Variants in RANBP2 observed in about 807,000 individuals in gnomAD.
The protein encoded by RANBP2 is RAN binding protein 2, also known as E3 SUMO-protein ligase RanBP2.
A neutral mutation model predicts 303.6 loss-of-function variants in RANBP2; 57 were observed. The ratio of observed to expected loss-of-function variants is 0.19; its 90% CI spans 0.15 to 0.23. RANBP2 has a LOEUF of 0.23. Among genes scored for constraint, RANBP2 ranks in the 10% least tolerant of loss-of-function variants. The pLI is 1.00. For missense variants in RANBP2, 3,138 were observed against 3,780.8 expected, an observed-to-expected ratio of 0.83 and a Z score of 4.46; for synonymous variants, 1,167 against 1,301.5, an observed-to-expected ratio of 0.90 and a Z score of 2.23.
At chr2:109,623,135 AAACAAC>A in the RANBP2 span, among the ~76,000 whole-genome samples, 49 of 152,162 alleles carry the variant, frequency 3.2e-4, 1 homozygote, top group Non-Finnish European at 2.2e-4. Context: ...TCAAAAAAGA[AAACAAC>A]AACAACAACA....
chr2:109,207,055 C>T, the RANBP2 span, among the ~76,000 whole-genome samples: 183 of 152,220 alleles, frequency 1.2e-3, no homozygotes, highest in South Asian at 5.8e-3. Context: ...TGACCATGCT[C>T]ATTTGGAGGA....
chr2:108,719,485 G>C lies in RANBP2; in HGVS notation c.-122G>C. 2 of 1,490,652 alleles carry C rather than the reference G, an allele frequency of 1.3e-6. No homozygotes were observed. Among genetic ancestry groups the C allele is most frequent in the Non-Finnish European group, 1.8e-6 (2 of 1,105,226 alleles). 92.3% of individuals were successfully genotyped at this position (1,490,652 alleles called of 1,614,324 possible). On this transcript the variant is annotated 5_prime_UTR_variant, in exon 1 of 29. Coordinates refer to ENST00000283195, the MANE Select transcript of RANBP2 (RefSeq NM_006267.5). ...CCGGCTGCGCCGCAAGTTCGTCACAGTGGTCCTCCGCCGGCTACGGCGCTG... is the reference window on the plus strand; with the variant it reads ...CCGGCTGCGCCGCAAGTTCGTCACACTGGTCCTCCGCCGGCTACGGCGCTG...
chr2:109,712,867 G>T, the RANBP2 span, among the ~76,000 whole-genome samples: 1 of 152,126 alleles, frequency 6.6e-6, no homozygotes, highest in Non-Finnish European at 1.5e-5. Context: ...ATATTCACAG[G>T]CCCCTAAAGC....
chr2:108,870,757 T>C, the RANBP2 span, among the ~76,000 whole-genome samples: 7 of 152,206 alleles, frequency 4.6e-5, no homozygotes, highest in Non-Finnish European at 1.0e-4. Context: ...ATTCCTCTTA[T>C]ATGAGGTGCC....
chr2:108,964,050 C>T, the RANBP2 span, among the ~76,000 whole-genome samples: 1 of 152,190 alleles, frequency 6.6e-6, no homozygotes. Flanking sequence ...GTGGCCACTG[C>T]CCCTGAAGCA....
the RANBP2 span, among the ~76,000 whole-genome samples, chr2:109,057,679 A>G: frequency 6.6e-6 from 1 of 152,232 alleles, no homozygotes; most frequent in East Asian, 1.9e-4. Context: ...TCTGTTTCTA[A>G]GTAGAATGCA....
the RANBP2 span, among the ~76,000 whole-genome samples, chr2:109,402,994 G>A: frequency 6.6e-6 from 1 of 152,198 alleles, no homozygotes; most frequent in African/African-American, 2.4e-5. Context: ...TTGATACACA[G>A]TCAGGGTGGG....
the RANBP2 span, among the ~76,000 whole-genome samples, chr2:109,528,158 G>A: frequency 6.6e-6 from 1 of 152,204 alleles, no homozygotes; most frequent in Non-Finnish European, 1.5e-5. Flanking sequence ...GGGCCCAGCA[G>A]GGCTTCAGCC....
At chr2:109,141,333 C>A in the RANBP2 span, among the ~76,000 whole-genome samples, 69 of 152,280 alleles carry the variant, frequency 4.5e-4, no homozygotes, top group African/African-American at 1.6e-3. Flanking sequence ...CTGGAGGCAG[C>A]CTCTCGTCTC....
chr2:108,916,727 TGGGATGGTGGACC>T, the RANBP2 span, among the ~76,000 whole-genome samples: 2 of 151,936 alleles, frequency 1.3e-5, no homozygotes, highest in Non-Finnish European at 2.9e-5. Flanking sequence ...GCAAGATGGG[TGGGATGGTGGACC>T]CTGACATTTC....
the RANBP2 span, among the ~76,000 whole-genome samples, chr2:108,931,726 T>TTC: frequency 1.2e-3 from 180 of 152,056 alleles, 1 homozygote; most frequent in African/African-American, 4.0e-3. Context: ...TGGGTTTTTT[T>TTC]TTCTTTTTTT....
the RANBP2 span, among the ~76,000 whole-genome samples, chr2:109,035,739 C>G: frequency 2.0e-5 from 3 of 152,330 alleles, no homozygotes; most frequent in East Asian, 5.8e-4. Context: ...TGCTTGAACT[C>G]TCTGGCCTAG....
the RANBP2 span, among the ~76,000 whole-genome samples, chr2:109,308,320 T>C: frequency 1.7e-5 from 2 of 118,466 alleles, no homozygotes; most frequent in Non-Finnish European, 3.3e-5. Context: ...ATTCTGGATA[T>C]TAGCCCTTTG....
the RANBP2 span, among the ~76,000 whole-genome samples, chr2:109,275,433 C>T: frequency 2.0e-5 from 3 of 152,120 alleles, no homozygotes; most frequent in Admixed American, 1.3e-4. Flanking sequence ...TCAGTTGGAC[C>T]GACACCGGAA....
the RANBP2 span, among the ~76,000 whole-genome samples, chr2:108,827,691 T>C: frequency 7.3e-5 from 11 of 151,626 alleles, no homozygotes; most frequent in South Asian, 4.2e-4. Context: ...TGGCAGGAGC[T>C]TGTAGTCCCA....
chr2:109,111,160 A>G, the RANBP2 span, among the ~76,000 whole-genome samples: 1 of 152,166 alleles, frequency 6.6e-6, no homozygotes, highest in African/African-American at 2.4e-5. Flanking sequence ...TTCTGGATTA[A>G]TGGACCAGCA....
At chr2:108,744,004 T>G (rs1428015191) in intron 7 of RANBP2, among the ~76,000 whole-genome samples, 1 of 152,256 alleles carries the variant, frequency 6.6e-6, no homozygotes, top group Admixed American at 6.5e-5. Context: ...GGCTAACTTT[T>G]ATGGCAAGAT....
At chr2:108,858,171 C>A in the RANBP2 span, among the ~76,000 whole-genome samples, 1 of 152,138 alleles carries the variant, frequency 6.6e-6, no homozygotes. Flanking sequence ...CGGTGAAACC[C>A]CGTCTGTACT....
At chr2:109,499,263 C>G in the RANBP2 span, among the ~76,000 whole-genome samples, 2 of 152,092 alleles carry the variant, frequency 1.3e-5, no homozygotes, top group African/African-American at 2.4e-5. Flanking sequence ...CAGTCCAGTG[C>G]TGGTTATTGA....
Sources: gnomAD v4.1 joint callset for allele counts (sites outside exome capture counted in the v4.1 genomes callset) on GRCh38, gnomAD v4.1.1 for gene constraint, MANE v1.5 for transcripts, NCBI Gene and HGNC (gene_info 2026-07-23, HGNC 2026-07-21) for gene names.